YES1: variants seen among roughly 807,000 people sequenced by gnomAD.
YES1 encodes the protein tyrosine-protein kinase Yes.
A neutral mutation model predicts 70.4 loss-of-function variants in YES1; 39 were observed. The observed-to-expected ratio is 0.55, with a 90% CI of 0.43 to 0.72. The LOEUF is 0.72. Ranked by LOEUF, YES1 falls within the 30% of genes least tolerant of loss-of-function variation. YES1 has a pLI of 0.00. For synonymous variants in YES1, 198 were observed against 218.6 expected, an observed-to-expected ratio of 0.91 and a Z score of 0.83; for missense variants, 495 against 644.8, an observed-to-expected ratio of 0.77 and a Z score of 2.52.
chr18:797,278 A>G (rs1030826190), intron 1 of YES1, among the ~76,000 whole-genome samples: 12 of 152,172 alleles, frequency 7.9e-5, no homozygotes, highest in African/African-American at 2.7e-4. Context: ...TAATTTTAAG[A>G]TATCTTTATT....
chr18:745,833 T>C lies in YES1; in HGVS notation c.599A>G (p.Asp200Gly), dbSNP rs1386230265. The change falls in exon 6 of 12, where the codon GAT (aspartate) becomes GGT (glycine). Residue 200 changes from aspartate (D) to glycine (G), a missense_variant. Around this residue, in one of 2 missense-constraint regions of YES1, gnomAD observed 385 missense variants for 540.9 expected, o/e 0.71. Coordinates refer to ENST00000314574, the MANE Select transcript of YES1 (RefSeq NM_005433.4). ...TKGAYSLSIRDWDEIRGDNVK... is the reference protein window; with the variant it reads ...TKGAYSLSIRGWDEIRGDNVK... ...ATTGTCACCCCTTATCTCATCCCAA[T>C]CACGAATAGAAAGGGAATAAGCACC... 3 of 1,612,488 alleles carry C rather than the reference T, an allele frequency of 1.9e-6. No individual in the cohort carries two copies. The highest frequency in any genetic ancestry group is 1.7e-5 in the Admixed American group (1 of 59,864).
chr18:734,759 T>C (rs1243945581), intron 10 of YES1, among the ~76,000 whole-genome samples: 2 of 151,620 alleles, frequency 1.3e-5, no homozygotes, highest in African/African-American at 4.9e-5. Context: ...GGTGGGAATG[T>C]AAATTAGTAC....
chr18:783,039 CTT>C lies in YES1; in HGVS notation c.-8-26206_-8-26205del, dbSNP rs34760851. The stretch of plus-strand genomic sequence containing the variant: ...GCTGCAAACAGACTACAAAGGTTAA[CTT>C]TTTTTTTTTTAAGAAAAGTATGTAA... On this transcript the variant is annotated intron_variant, in intron 1 of 11. Coordinates refer to ENST00000314574, the MANE Select transcript of YES1 (RefSeq NM_005433.4). Among the ~76,000 whole-genome samples the C allele has an allele frequency of 6.1e-5, 9 of 148,070 alleles. No individual in the cohort carries two copies. The South Asian group carries it at 1.3e-3, about 21-fold the overall frequency.
Position 762,062 on chromosome 18 carries a change from T to C in YES1, c.-8-5227A>G, listed in dbSNP as rs532070128. Among the ~76,000 whole-genome samples, 20 of 152,334 alleles carry C rather than the reference T, an allele frequency of 1.3e-4. 1 individual carries two copies. Among genetic ancestry groups the C allele is most frequent in the South Asian group, 1.0e-3 (5 of 4,822 alleles). ...TTAGCTGGGCGTGGTGGTGCATGCC[T>C]GTAATCCCAGCACTTTGGGAGGCCA... is the stretch of plus-strand genomic sequence containing the variant. On this transcript the variant is annotated intron_variant, in intron 1 of 11. Transcript: ENST00000314574.
intron 1 of YES1, among the ~76,000 whole-genome samples, chr18:789,988 G>A (rs111492845): frequency 6.6e-6 from 1 of 152,144 alleles, no homozygotes; most frequent in Non-Finnish European, 1.5e-5. Flanking sequence ...AACCAGGGAG[G>A]TTGAGGATGC....
chr18:795,806 C>T (rs543183826), intron 1 of YES1, among the ~76,000 whole-genome samples: 6 of 151,436 alleles, frequency 4.0e-5, no homozygotes, highest in Admixed American at 1.3e-4. Flanking sequence ...CTAATGCATG[C>T]GGGGCTTAAG....
chr18:746,432 C>A (rs1004431215), intron 4 of YES1, among the ~76,000 whole-genome samples: 1 of 152,140 alleles, frequency 6.6e-6, no homozygotes, highest in Non-Finnish European at 1.5e-5. Flanking sequence ...CATCTGCATT[C>A]AGTAAGACAC....
At chr18:780,091 A>G (rs1260618822) in intron 1 of YES1, among the ~76,000 whole-genome samples, 1 of 151,982 alleles carries the variant, frequency 6.6e-6, no homozygotes. Flanking sequence ...AAAATTAGCC[A>G]GGCGCTGTGG....
chr18:764,103 G>C (rs1312049375), intron 1 of YES1, among the ~76,000 whole-genome samples: 1 of 136,860 alleles, frequency 7.3e-6, no homozygotes, highest in African/African-American at 2.7e-5. Flanking sequence ...CTGGGCGACA[G>C]AGCGAGACTC....
At chr18:771,379 A>G (rs532923732) in intron 1 of YES1, among the ~76,000 whole-genome samples, 1 of 152,254 alleles carries the variant, frequency 6.6e-6, no homozygotes, top group South Asian at 2.1e-4. Flanking sequence ...AAAAAAAAAA[A>G]AATTCATTTG....
chr18:743,008 TTATC>T lies in YES1; in HGVS notation c.966_969del (p.Ile323Ter). 1 of 1,612,310 alleles carries T rather than the reference TTATC, an allele frequency of 6.2e-7. No homozygotes were observed. The highest frequency in any genetic ancestry group is 2.2e-5 in the East Asian group (1 of 44,840). On this transcript the variant is annotated frameshift_variant, in exon 8 of 12. Transcript: ENST00000314574. LOFTEE classifies it high-confidence loss of function. ...AGTTTATCATGTCTTAATTTTTTCA[TTATC>T]TGAGCTTCTTGAAGGAAAGCTTCTG...
Position 747,942 on chromosome 18 carries a change from C to G in YES1, c.448G>C (p.Ala150Pro). 3 of 1,613,526 alleles carry G rather than the reference C, an allele frequency of 1.9e-6. No homozygotes were observed. The highest frequency in any genetic ancestry group is 2.5e-6 in the Non-Finnish European group (3 of 1,179,902). Residue 150 changes from alanine to proline, a missense_variant, in exon 4 of 12, where the codon GCA (alanine) becomes CCA (proline). By Grantham distance (27) the Ala-to-Pro change is conservative (BLOSUM62 -1). This residue lies in a region of YES1 where 385 missense variants were observed against 540.9 expected (regional missense o/e 0.71). Coordinates refer to ENST00000314574, the MANE Select transcript of YES1 (RefSeq NM_005433.4). Reference protein sequence around the residue: ...GYIPSNYVAPADSIQAEEWYF... With the variant: ...GYIPSNYVAPPDSIQAEEWYF... ...TACTCTTCTGCCTGAATGGAATCTG[C>G]AGGCGCTACATAATTGCTCGGGATA...
chr18:792,372 AT>A (rs1054191943), intron 1 of YES1, among the ~76,000 whole-genome samples: 2 of 152,248 alleles, frequency 1.3e-5, no homozygotes, highest in African/African-American at 4.8e-5. Context: ...AAAAAATAAA[AT>A]AAAAAATAAA....
chr18:786,071 C>T (rs1905921501), intron 1 of YES1, among the ~76,000 whole-genome samples: 1 of 152,226 alleles, frequency 6.6e-6, no homozygotes, highest in African/African-American at 2.4e-5. Flanking sequence ...GCCTCCAGAA[C>T]TGTGAGAAGT....
At position 782,361 on chromosome 18, in the gene YES1, C is replaced by T. The variant is rs548124321; in HGVS notation, c.-8-25526G>A. Among the ~76,000 whole-genome samples, 47 of 152,246 alleles carry T rather than the reference C, an allele frequency of 3.1e-4. 1 individual carries two copies. The highest frequency in any genetic ancestry group is 1.0e-3 in the South Asian group (5 of 4,826). ...GGACCCTGGCCCAGCTTGGATCAGC[C>T]GCCTCCCTCTGGGTCAGCCCTCTCC... is the stretch of plus-strand genomic sequence containing the variant. On this transcript the variant is annotated intron_variant, in intron 1 of 11. Coordinates refer to ENST00000314574, the MANE Select transcript of YES1 (RefSeq NM_005433.4).
At chr18:730,386 C>A (rs886129291) in intron 11 of YES1, among the ~76,000 whole-genome samples, 11 of 150,578 alleles carry the variant, frequency 7.3e-5, no homozygotes, top group Non-Finnish European at 1.6e-4. Context: ...GCTCTGTTGC[C>A]CAGGCTGGAG....
intron 1 of YES1, among the ~76,000 whole-genome samples, chr18:766,590 A>C (rs1904920309): frequency 6.6e-6 from 1 of 151,954 alleles, no homozygotes; most frequent in Non-Finnish European, 1.5e-5. Flanking sequence ...TCATTCTAGA[A>C]TCAAAACATT....
chr18:751,880 C>CA (rs34440107), intron 2 of YES1, 76 bp from the exon 3 acceptor site: 161,321 of 677,554 alleles, frequency 0.24, 4,945 homozygotes, highest in South Asian at 0.28. Context: ...TATTGCCAGC[C>CA]AAAAAAAAAA....
chr18:770,792 TTG>T (rs1465057530), intron 1 of YES1, among the ~76,000 whole-genome samples: 1 of 152,098 alleles, frequency 6.6e-6, no homozygotes, highest in East Asian at 1.9e-4. Flanking sequence ...TTCAAGGTTT[TTG>T]TGTGTTTGTG....
Sources: gnomAD v4.1 joint callset for allele counts (sites outside exome capture counted in the v4.1 genomes callset) on GRCh38, gnomAD v4.1.1 for gene constraint, gnomAD v4.1.1 regional missense constraint, MANE v1.5 for transcripts, NCBI Gene and HGNC (gene_info 2026-07-23, HGNC 2026-07-21) for gene names.